The following NTNG1 variants were observed in gnomAD, a reference collection of about 807,000 sequenced individuals.
The protein encoded by NTNG1 is netrin-G1.
NTNG1 carries 16 observed loss-of-function variants against 54.0 expected under a neutral mutation model. The observed-to-expected ratio is 0.30, with a 90% CI of 0.20 to 0.45. The LOEUF is 0.45. NTNG1 is among the 20% of genes least tolerant of loss of function. The pLI is 1.00. For missense variants in NTNG1, 530 were observed against 678.7 expected, an observed-to-expected ratio of 0.78 and a Z score of 2.43; for synonymous variants, 255 against 263.1, an observed-to-expected ratio of 0.97 and a Z score of 0.30.
At chr1:107,255,867 C>A (rs1446567962) in intron 2 of NTNG1, among the ~76,000 whole-genome samples, 2 of 152,120 alleles carry the variant, frequency 1.3e-5, no homozygotes, top group African/African-American at 4.8e-5. Context: ...ATAATTGTAT[C>A]TTTTACAACT....
At chr1:107,186,904 G>A (rs1444130149) in intron 2 of NTNG1, among the ~76,000 whole-genome samples, 1 of 152,092 alleles carries the variant, frequency 6.6e-6, no homozygotes, top group Non-Finnish European at 1.5e-5. Flanking sequence ...TTATGAAAGA[G>A]GTTTTATTAT....
chr1:107,247,124 A>T (rs1662255067), intron 2 of NTNG1, among the ~76,000 whole-genome samples: 1 of 152,198 alleles, frequency 6.6e-6, no homozygotes, highest in Admixed American at 6.5e-5. Context: ...CTCCATAAGA[A>T]TAGTTGTAAC....
At chr1:107,424,604 A>G (rs1557988687) in intron 5 of NTNG1, among the ~76,000 whole-genome samples, 1 of 152,110 alleles carries the variant, frequency 6.6e-6, no homozygotes, top group Non-Finnish European at 1.5e-5. Flanking sequence ...AAGGTGGTAG[A>G]GATGGTGAGA....
intron 2 of NTNG1, among the ~76,000 whole-genome samples, chr1:107,214,093 T>A (rs751377512): frequency 6.6e-6 from 1 of 152,174 alleles, no homozygotes; most frequent in African/African-American, 2.4e-5. Context: ...TATCAATCTT[T>A]TATGATCGTT....
chr1:107,329,318 G>T (rs1432073089), intron 3 of NTNG1, among the ~76,000 whole-genome samples: 1 of 152,106 alleles, frequency 6.6e-6, no homozygotes, highest in Non-Finnish European at 1.5e-5. Flanking sequence ...AGTGAGGCAG[G>T]CCCCCTACGT....
At chr1:107,422,737 C>A (rs1031937644) in intron 5 of NTNG1, among the ~76,000 whole-genome samples, 3 of 152,010 alleles carry the variant, frequency 2.0e-5, no homozygotes, top group Non-Finnish European at 4.4e-5. Flanking sequence ...TTCTCAAATT[C>A]TTTCTTTTTG....
At chr1:107,287,386 A>G (rs1341152104) in intron 2 of NTNG1, among the ~76,000 whole-genome samples, 1 of 152,210 alleles carries the variant, frequency 6.6e-6, no homozygotes, top group Non-Finnish European at 1.5e-5. Flanking sequence ...GTTAACTACT[A>G]CATATTTTTT....
At chr1:107,421,185 G>A (rs771582213) in intron 5 of NTNG1, 4 of 1,384,058 alleles carry the variant, frequency 2.9e-6, no homozygotes, top group South Asian at 2.4e-5. Flanking sequence ...ATGGTGTTAT[G>A]TGTTGTGAAA....
In NTNG1 at chr1:107,281,923, C is replaced by T. The variant is rs961044408; in HGVS notation, c.247-42359C>T. Among the ~76,000 whole-genome samples, 11 of 152,166 alleles carry T rather than the reference C, an allele frequency of 7.2e-5. 1 individual carries two copies. The South Asian group carries it at 2.3e-3, about 32-fold the overall frequency. On this transcript the variant is annotated intron_variant, in intron 2 of 7. Coordinates refer to ENST00000370068, the MANE Select transcript of NTNG1 (RefSeq NM_001113226.3). ...TACTGATCCAATCACAGACAGGTAACAGTTTTCAGATCAGCACTAGTCCTC... is the reference window on the plus strand; with the variant it reads ...TACTGATCCAATCACAGACAGGTAATAGTTTTCAGATCAGCACTAGTCCTC...
intron 3 of NTNG1, among the ~76,000 whole-genome samples, chr1:107,341,750 G>C (rs998636821): frequency 5.9e-5 from 9 of 152,076 alleles, no homozygotes; most frequent in African/African-American, 1.7e-4. Context: ...TCATCTATGA[G>C]AGAAAAAGAG....
intron 3 of NTNG1, among the ~76,000 whole-genome samples, chr1:107,360,012 C>T (rs911888827): frequency 6.6e-6 from 1 of 152,148 alleles, no homozygotes; most frequent in Non-Finnish European, 1.5e-5. Context: ...TTGCATACCT[C>T]TTAATCAAGC....
chr1:107,309,019 GTTCTCTAC>G (rs67407097), intron 2 of NTNG1, among the ~76,000 whole-genome samples: 73,837 of 151,044 alleles, frequency 0.49, 20,788 homozygotes, highest in Non-Finnish European at 0.62. Context: ...CTTTTCCTTT[GTTCTCTAC>G]TTCCAGTCAA....
chr1:107,306,183 A>G (rs1345601260), intron 2 of NTNG1, among the ~76,000 whole-genome samples: 4 of 152,222 alleles, frequency 2.6e-5, no homozygotes, highest in African/African-American at 9.6e-5. Flanking sequence ...AAATTTAACA[A>G]AGGTAAAATG....
At chr1:107,251,595 C>A (rs4915031) in intron 2 of NTNG1, among the ~76,000 whole-genome samples, 95,283 of 151,922 alleles carry the variant, frequency 0.63, 33,109 homozygotes, top group Non-Finnish European at 0.78. Context: ...GGCCATAAAA[C>A]CTCTAACTGG....
chr1:107,228,035 A>G (rs1462669396), intron 2 of NTNG1, among the ~76,000 whole-genome samples: 1 of 152,190 alleles, frequency 6.6e-6, no homozygotes, highest in Admixed American at 6.6e-5. Context: ...TAAATTATCT[A>G]TTCTTCTTTT....
chr1:107,197,729 C>T (rs986349076), intron 2 of NTNG1, among the ~76,000 whole-genome samples: 4 of 151,942 alleles, frequency 2.6e-5, no homozygotes, highest in Non-Finnish European at 2.9e-5. Context: ...TACACATTCA[C>T]GTAGTGACAG....
intron 2 of NTNG1, among the ~76,000 whole-genome samples, chr1:107,260,129 T>C (rs908250100): frequency 6.6e-6 from 1 of 152,190 alleles, no homozygotes; most frequent in African/African-American, 2.4e-5. Flanking sequence ...TAAACAGTGA[T>C]TGAAAAGTGA....
chr1:107,305,498 C>CT (rs1005723394), intron 2 of NTNG1, among the ~76,000 whole-genome samples: 8 of 151,968 alleles, frequency 5.3e-5, no homozygotes, highest in Admixed American at 1.3e-4. Context: ...TGATGATTAG[C>CT]TTTTTTTTCA....
rs116806247 is a variant in NTNG1 at position 107,204,533 on chromosome 1, G to C, written c.246+55694G>C. ...TCCAGCCATCTCTGCCAGGGAACCA[G>C]GCATGTGAGCGAATCTGTCTCTGAC... On this transcript the variant is annotated intron_variant, in intron 2 of 7. Transcript: ENST00000370068. 9.1e-3 allele frequency among the ~76,000 whole-genome samples: 1,382 copies of C among 152,128 alleles called. 11 individuals carry two copies. The highest frequency in any genetic ancestry group is 0.014 in the Non-Finnish European group (975 of 67,992).
Sources: gnomAD v4.1 joint callset for allele counts (sites outside exome capture counted in the v4.1 genomes callset) on GRCh38, gnomAD v4.1.1 for gene constraint, MANE v1.5 for transcripts, NCBI Gene and HGNC (gene_info 2026-07-23, HGNC 2026-07-21) for gene names.